The following PCDH11X variants were observed in gnomAD, a reference collection of about 807,000 sequenced individuals.
The protein encoded by PCDH11X is protocadherin 11 X-linked, also known as protocadherin-11 X-linked.
PCDH11X carries 18 observed loss-of-function variants against 53.3 expected under a neutral mutation model. The ratio of observed to expected loss-of-function variants is 0.34; its 90% CI spans 0.23 to 0.50. The LOEUF (loss-of-function observed/expected upper bound fraction) is 0.50. Among genes scored for constraint, PCDH11X ranks in the 20% least tolerant of loss-of-function variants. PCDH11X has a pLI of 0.98. For synonymous variants in PCDH11X, 279 were observed against 393.3 expected, an observed-to-expected ratio of 0.71 and a Z score of 3.44; for missense variants, 570 against 1,032.4, an observed-to-expected ratio of 0.55 and a Z score of 6.14.
chrX:92,437,204 TTTG>T (rs1302259495), intron 9 of PCDH11X, among the ~76,000 whole-genome samples: 1 of 110,864 alleles, frequency 9.0e-6, no homozygotes, highest in African/African-American at 3.3e-5. Context: ...GTGTGTATGG[TTTG>T]TATTAAGGCT....
intron 10 of PCDH11X, among the ~76,000 whole-genome samples, chrX:92,470,196 T>A (rs1327755132): frequency 9.5e-6 from 1 of 104,763 alleles, no homozygotes; most frequent in East Asian, 3.0e-4. Context: ...CATAAACATG[T>A]TACTGGTTTT....
chrX:91,834,233 AAAAT>A (rs1228690949), intron 4 of PCDH11X, among the ~76,000 whole-genome samples: 14 of 111,585 alleles, frequency 1.3e-4, no homozygotes, highest in Non-Finnish European at 2.5e-4. Flanking sequence ...GAGAATAAAT[AAAAT>A]AGAGAATAAG....
intron 6 of PCDH11X, among the ~76,000 whole-genome samples, chrX:91,915,915 T>A: frequency 9.1e-6 from 1 of 110,085 alleles, no homozygotes; most frequent in Admixed American, 9.7e-5. Context: ...ACATGGAATA[T>A]CCTCCAGAGT....
chrX:91,850,024 A>C (rs998310501), intron 5 of PCDH11X, among the ~76,000 whole-genome samples: 20 of 106,784 alleles, frequency 1.9e-4, no homozygotes, highest in African/African-American at 6.1e-4. Context: ...AGAATTATTC[A>C]TAGGATTAGA....
At chrX:91,886,828 G>A (rs981154499) in intron 6 of PCDH11X, among the ~76,000 whole-genome samples, 22 of 108,299 alleles carry the variant, frequency 2.0e-4, no homozygotes, top group South Asian at 1.6e-3. Flanking sequence ...AAAATTAGCT[G>A]GGCGTGGTGG....
chrX:91,954,882 T>G (rs1434871758), intron 6 of PCDH11X, among the ~76,000 whole-genome samples: 2 of 109,081 alleles, frequency 1.8e-5, no homozygotes, highest in Non-Finnish European at 3.8e-5. Context: ...ATGGATAGAT[T>G]GCAAAAATTT....
At position 92,247,311 on chromosome X, in the gene PCDH11X, A is replaced by G. The variant is rs189945444; in HGVS notation, c.3115-15803A>G. Among the ~76,000 whole-genome samples, 8 of 111,647 alleles carry G rather than the reference A, an allele frequency of 7.2e-5. No homozygotes were observed. In the East Asian group the frequency reaches 2.3e-3, roughly 31 times the overall value. ...GCTTACTTATTCATCTCAACTCTCCAGAAACTTACATATTTGTGGTCAACA... is the reference window on the plus strand; with the variant it reads ...GCTTACTTATTCATCTCAACTCTCCGGAAACTTACATATTTGTGGTCAACA... On this transcript the variant is annotated intron_variant, in intron 7 of 10. Coordinates refer to ENST00000682573, the MANE Select transcript of PCDH11X (RefSeq NM_032968.5).
intron 6 of PCDH11X, among the ~76,000 whole-genome samples, chrX:91,882,472 T>A (rs1939958638): frequency 9.0e-6 from 1 of 111,394 alleles, no homozygotes; most frequent in South Asian, 3.7e-4. Flanking sequence ...CTATACATTT[T>A]AAAAAAATAG....
In PCDH11X at chrX:92,337,320, G is replaced by T. The variant is rs573141167; in HGVS notation, c.3145-50415G>T. Among the ~76,000 whole-genome samples, 41 of 110,763 alleles carry T rather than the reference G, an allele frequency of 3.7e-4. No homozygotes were observed. In the South Asian group the frequency reaches 5.1e-3, roughly 14 times the overall value. On this transcript the variant is annotated intron_variant, in intron 8 of 10. Coordinates refer to ENST00000682573, the MANE Select transcript of PCDH11X (RefSeq NM_032968.5). The stretch of plus-strand genomic sequence containing the variant: ...CTGGAAGCATCTAGCCCTGTGGCTT[G>T]CTTATAGCAGATAAGTAATAGTGAG...
At chrX:92,609,255 G>A (rs1927116523) in intron 10 of PCDH11X, among the ~76,000 whole-genome samples, 1 of 111,505 alleles carries the variant, frequency 9.0e-6, no homozygotes, top group East Asian at 2.8e-4. Flanking sequence ...GCATAAATAT[G>A]CAGGACTGGA....
At chrX:92,177,134 C>T (rs924520495) in intron 6 of PCDH11X, among the ~76,000 whole-genome samples, 6 of 108,864 alleles carry the variant, frequency 5.5e-5, no homozygotes, top group African/African-American at 2.0e-4. Context: ...TGCACCACCA[C>T]GCCCAGCTAA....
At chrX:92,502,802 C>T (rs944989537) in intron 10 of PCDH11X, among the ~76,000 whole-genome samples, 2 of 111,201 alleles carry the variant, frequency 1.8e-5, no homozygotes, top group African/African-American at 6.5e-5. Context: ...ATAGCAGAGG[C>T]AAAAATTTCA....
intron 6 of PCDH11X, among the ~76,000 whole-genome samples, chrX:91,889,504 G>A (rs180818853): frequency 9.0e-6 from 1 of 111,546 alleles, no homozygotes; most frequent in African/African-American, 3.3e-5. Context: ...GTAGAAACGG[G>A]GTTTCGCCAT....
rs761863325 is a variant in PCDH11X at position 92,367,144 on chromosome X, C to A, written c.3145-20591C>A. On this transcript the variant is annotated intron_variant, in intron 8 of 10. Coordinates refer to ENST00000682573, the MANE Select transcript of PCDH11X (RefSeq NM_032968.5). Reference sequence around the variant, plus strand: ...TCGGAGTCTAAGTCTCTTTCTAAGTCTCTAAGAACTTGCTTTATGAATCTG... The same window carrying A: ...TCGGAGTCTAAGTCTCTTTCTAAGTATCTAAGAACTTGCTTTATGAATCTG... 7.3e-5 allele frequency among the ~76,000 whole-genome samples: 8 copies of A among 110,244 alleles called. No individual in the cohort carries two copies. The South Asian group carries it at 3.2e-3, about 44-fold the overall frequency.
At chrX:92,076,640 T>C (rs149483733) in intron 6 of PCDH11X, among the ~76,000 whole-genome samples, 1,410 of 111,619 alleles carry the variant, frequency 0.013, 14 homozygotes, top group African/African-American at 0.043. Flanking sequence ...TCATCAAATA[T>C]GTAAAATCTT....
chrX:92,274,983 T>C (rs1172478162), intron 8 of PCDH11X, among the ~76,000 whole-genome samples: 9 of 109,669 alleles, frequency 8.2e-5, no homozygotes, highest in Admixed American at 5.9e-4. Context: ...ACAATGGTAA[T>C]TGTGGGACTT....
intron 9 of PCDH11X, among the ~76,000 whole-genome samples, chrX:92,448,203 T>G (rs1261766493): frequency 9.3e-6 from 1 of 107,972 alleles, no homozygotes; most frequent in Admixed American, 1.0e-4. Context: ...TTTGGGAGAC[T>G]GTTGGGAAGG....
intron 9 of PCDH11X, among the ~76,000 whole-genome samples, chrX:92,425,125 G>A (rs1159670370): frequency 1.9e-5 from 2 of 104,297 alleles, no homozygotes; most frequent in Non-Finnish European, 3.9e-5. Flanking sequence ...AAAAAAGAGA[G>A]TCTGAGATCA....
intron 8 of PCDH11X, among the ~76,000 whole-genome samples, chrX:92,364,241 T>C (rs2070411281): frequency 9.0e-6 from 1 of 111,596 alleles, no homozygotes; most frequent in Non-Finnish European, 1.9e-5. Context: ...GCAAACATCA[T>C]AGAGTGTACT....
Sources: gnomAD v4.1 joint callset for allele counts (sites outside exome capture counted in the v4.1 genomes callset) on GRCh38, gnomAD v4.1.1 for gene constraint, MANE v1.5 for transcripts, NCBI Gene and HGNC (gene_info 2026-07-23, HGNC 2026-07-21) for gene names.